Variants in SCN3A observed in about 807,000 individuals in gnomAD.
SCN3A encodes sodium channel protein type 3 subunit alpha.
SCN3A carries 60 observed loss-of-function variants against 187.6 expected under a neutral mutation model. The ratio of observed to expected loss-of-function variants is 0.32; its 90% CI spans 0.26 to 0.40. The LOEUF is 0.40. Ranked by LOEUF, SCN3A falls within the 10% of genes least tolerant of loss-of-function variation. The pLI is 1.00. For missense variants in SCN3A, 1,601 were observed against 2,428.2 expected (o/e 0.66, Z 7.16); for synonymous variants, 788 against 829.2 (o/e 0.95, Z 0.85).
intron 1 of SCN3A, among the ~76,000 whole-genome samples, chr2:165,187,345 C>G (rs1042468678): frequency 6.6e-6 from 1 of 152,192 alleles, no homozygotes; most frequent in Non-Finnish European, 1.5e-5. Flanking sequence ...AGATGTCATA[C>G]TTCTTTCCGC....
At chr2:165,096,149 G>A (rs1238582885) in intron 24 of SCN3A, among the ~76,000 whole-genome samples, 2 of 151,976 alleles carry the variant, frequency 1.3e-5, no homozygotes, top group Non-Finnish European at 2.9e-5. Context: ...ACAGAGTCTG[G>A]TTTATCATAC....
chr2:165,095,688 TATAA>T (rs1183813116), intron 24 of SCN3A, 40 bp from the exon 25 acceptor site: 12 of 1,098,424 alleles, frequency 1.1e-5, no homozygotes, highest in Non-Finnish European at 1.5e-5. Flanking sequence ...TGAAAAATAC[TATAA>T]ATACTTACAC....
chr2:165,184,305 A>G (rs1307775480), intron 2 of SCN3A, among the ~76,000 whole-genome samples: 3 of 152,074 alleles, frequency 2.0e-5, no homozygotes, highest in African/African-American at 4.8e-5. Context: ...ACAAAATTCT[A>G]TTGAATGATT....
chr2:165,148,369 C>G (rs1198001471), intron 11 of SCN3A, among the ~76,000 whole-genome samples: 2 of 151,872 alleles, frequency 1.3e-5, no homozygotes, highest in Admixed American at 1.3e-4. Flanking sequence ...TCATAACAGT[C>G]TATATAACAA....
intron 12 of SCN3A, among the ~76,000 whole-genome samples, 153 bp from the exon 13 acceptor site, chr2:165,141,151 A>G (rs1292177966): frequency 1.3e-5 from 2 of 152,148 alleles, no homozygotes; most frequent in African/African-American, 4.8e-5. Context: ...GGACACATAT[A>G]TTTTGATATT....
At chr2:165,151,208 A>G (rs921996143) in intron 11 of SCN3A, among the ~76,000 whole-genome samples, 2 of 152,192 alleles carry the variant, frequency 1.3e-5, no homozygotes, top group African/African-American at 4.8e-5. Context: ...TCATTGCTGT[A>G]TCTCCATTAC....
chr2:165,101,515 G>A (rs751114244), intron 21 of SCN3A, among the ~76,000 whole-genome samples: 4 of 151,942 alleles, frequency 2.6e-5, no homozygotes, highest in Non-Finnish European at 4.4e-5. Flanking sequence ...ATAATCTGAC[G>A]TCAAAAGCAT....
In SCN3A at chr2:165,087,780, C is replaced by G. The variant is rs1377629308; in HGVS notation, c.*2370G>C. 6.6e-6 allele frequency: 1 copy of G among 151,874 alleles called. No individual in the cohort carries two copies. The highest frequency in any genetic ancestry group is 2.4e-5 in the African/African-American group (1 of 41,380). The allele number at this position is 151,874 out of a possible 1,614,324, so 9.4% of individuals were successfully genotyped here. Reference sequence around the variant, plus strand: ...CAAAGAATGTAACATTTATTAGCCACCAAGTAATTAGGAGATAGCATCAAT... The same window carrying G: ...CAAAGAATGTAACATTTATTAGCCAGCAAGTAATTAGGAGATAGCATCAAT... On this transcript the variant is annotated 3_prime_UTR_variant, in exon 28 of 28. Coordinates refer to ENST00000283254, the MANE Select transcript of SCN3A (RefSeq NM_006922.4).
At chr2:165,197,586 G>GT (rs544679569) in intron 1 of SCN3A, among the ~76,000 whole-genome samples, 107 of 140,116 alleles carry the variant, frequency 7.6e-4, no homozygotes, top group South Asian at 1.6e-3. Context: ...CTTTAGCTGT[G>GT]TTTTTTTTTT....
Position 165,092,612 on chromosome 2 carries a change from A to ATCC in SCN3A, c.4537-89_4537-88insGGA. On this transcript the variant is annotated intron_variant, in intron 26 of 27. Transcript: ENST00000283254. This position sits in a 1 kb window ranked among gnomAD's most constrained non-coding sequence, Gnocchi z 4.2. ...AATTGTAGATAAAGCCCTTCCACAT[A>ATCC]CGGGATGGATGTGCACCCTCCTCAT... The ATCC allele has an allele frequency of 1.6e-5, 20 of 1,227,032 alleles. No individual in the cohort carries two copies. Among genetic ancestry groups the ATCC allele is most frequent in the Non-Finnish European group, 2.3e-5 (19 of 843,744 alleles). The allele number at this position is 1,227,032 out of a possible 1,614,324, so 76.0% of individuals were successfully genotyped here. A position where few individuals can be genotyped will look rare whatever the true frequency, so the allele number is the denominator to read the frequency against.
chr2:165,118,759 A>ATATT (rs748183025), intron 18 of SCN3A, among the ~76,000 whole-genome samples: 1 of 151,664 alleles, frequency 6.6e-6, no homozygotes, highest in African/African-American at 2.4e-5. Flanking sequence ...GCTAACTTTT[A>ATATT]TATTTATTTA....
At chr2:165,165,899 A>C (rs1228876250) in intron 5 of SCN3A, among the ~76,000 whole-genome samples, 2 of 152,196 alleles carry the variant, frequency 1.3e-5, no homozygotes, top group Non-Finnish European at 2.9e-5. Flanking sequence ...ATAAGCAATA[A>C]TTCCTATCTT....
At chr2:165,144,442 G>C (rs1011237966) in intron 12 of SCN3A, among the ~76,000 whole-genome samples, 3 of 152,078 alleles carry the variant, frequency 2.0e-5, no homozygotes, top group Admixed American at 2.0e-4. Context: ...TAAGCTCTCT[G>C]CTCTTGCCTG....
At chr2:165,118,464 A>C (rs1686481430) in intron 18 of SCN3A, among the ~76,000 whole-genome samples, 1 of 152,240 alleles carries the variant, frequency 6.6e-6, no homozygotes, top group African/African-American at 2.4e-5. Flanking sequence ...ACCAAAGCTT[A>C]GAAGACGGTA....
At chr2:165,139,327 A>G (rs985590969) in intron 14 of SCN3A, 149 bp downstream of exon 14, 15 of 1,079,442 alleles carry the variant, frequency 1.4e-5, no homozygotes, top group Admixed American at 2.0e-5. Flanking sequence ...TTTGTAATCA[A>G]TGTGATAATG....
At chr2:165,154,333 T>A (rs1186854237) in intron 11 of SCN3A, 119 bp downstream of exon 11, 4 of 1,104,756 alleles carry the variant, frequency 3.6e-6, no homozygotes, top group Non-Finnish European at 5.1e-6. Flanking sequence ...TTTTTTCTAA[T>A]GACAATGCCT....
chr2:165,105,963 A>G (rs148297722), intron 21 of SCN3A, among the ~76,000 whole-genome samples: 3,126 of 152,230 alleles, frequency 0.021, 271 homozygotes, highest in Admixed American at 0.16. Context: ...TTTTATCTTT[A>G]TGGTTTATTT....
intron 21 of SCN3A, among the ~76,000 whole-genome samples, chr2:165,104,008 A>G (rs2105674540): frequency 6.6e-6 from 1 of 152,174 alleles, no homozygotes; most frequent in East Asian, 1.9e-4. Context: ...TTGCAGATAT[A>G]TTGTTGTTAT....
chr2:165,138,844 G>A (rs1258396760), intron 14 of SCN3A, among the ~76,000 whole-genome samples: 1 of 152,138 alleles, frequency 6.6e-6, no homozygotes, highest in Non-Finnish European at 1.5e-5. Flanking sequence ...AAAAAGGGCA[G>A]TACTAATATA....
Sources: gnomAD v4.1 joint callset for allele counts (sites outside exome capture counted in the v4.1 genomes callset) on GRCh38, gnomAD v4.1.1 for gene constraint, Gnocchi (gnomAD v3.1) non-coding constraint, MANE v1.5 for transcripts, NCBI Gene and HGNC (gene_info 2026-07-23, HGNC 2026-07-21) for gene names.